ADAMTSL3: variants seen among roughly 807,000 people sequenced by gnomAD.
ADAMTSL3 encodes the protein ADAMTS-like protein 3.
In ADAMTSL3, 128 loss-of-function variants were observed where a neutral mutation model predicts 201.7. That is an observed-to-expected ratio of 0.63 (90% CI 0.55 to 0.73). ADAMTSL3 has a LOEUF of 0.73. Among genes scored for constraint, ADAMTSL3 ranks in the 30% least tolerant of loss-of-function variants. The probability of loss-of-function intolerance (pLI) is 0.00; values close to 1 mark genes in which losing one functional copy is unlikely to be tolerated. For synonymous variants in ADAMTSL3, 738 were observed against 748.4 expected (o/e 0.99, Z 0.23); for missense variants, 1,990 against 2,119.6 (o/e 0.94, Z 1.20).
At chr15:83,774,306 C>T (rs2063035760) in intron 4 of ADAMTSL3, among the ~76,000 whole-genome samples, 1 of 152,198 alleles carries the variant, frequency 6.6e-6, no homozygotes, top group African/African-American at 2.4e-5. Context: ...TGTCAGTCAT[C>T]TTCAGATTTG....
intron 3 of ADAMTSL3, among the ~76,000 whole-genome samples, chr15:83,763,748 G>A (rs943460279): frequency 7.9e-5 from 12 of 152,052 alleles, no homozygotes; most frequent in Non-Finnish European, 1.5e-4. Flanking sequence ...CTCGTGATCC[G>A]CCCGCCTTGG....
chr15:83,873,463 C>A (rs978587963), intron 9 of ADAMTSL3, among the ~76,000 whole-genome samples: 1 of 144,746 alleles, frequency 6.9e-6, no homozygotes, highest in Non-Finnish European at 1.5e-5. Context: ...GTCACCCAGG[C>A]CAAGTACAGG....
At chr15:84,014,842 T>TC in intron 24 of ADAMTSL3, 118 bp downstream of exon 24, 1 of 1,007,508 alleles carries the variant, frequency 9.9e-7, no homozygotes, top group Non-Finnish European at 1.5e-6. Context: ...GTTTTAACCA[T>TC]TGCTGCCACT....
intron 23 of ADAMTSL3, among the ~76,000 whole-genome samples, chr15:84,010,417 A>G (rs755760445): frequency 1.2e-4 from 18 of 152,196 alleles, no homozygotes; most frequent in Admixed American, 4.6e-4. Flanking sequence ...ATGAATAACC[A>G]AAAAAGTCAC....
chr15:83,880,300 A>G (rs1596348574), intron 9 of ADAMTSL3, among the ~76,000 whole-genome samples: 1 of 151,986 alleles, frequency 6.6e-6, no homozygotes, highest in East Asian at 1.9e-4. Context: ...CTTTCTTTTT[A>G]TCTGTCATTT....
chr15:84,022,887 G>C (rs868167991), intron 26 of ADAMTSL3, among the ~76,000 whole-genome samples: 3 of 152,068 alleles, frequency 2.0e-5, no homozygotes, highest in African/African-American at 7.2e-5. Context: ...TTCTCCCTCT[G>C]CCTAGGACAC....
At chr15:84,008,108 G>GGTTT (rs1463458930) in intron 23 of ADAMTSL3, among the ~76,000 whole-genome samples, 1 of 152,080 alleles carries the variant, frequency 6.6e-6, no homozygotes, top group Non-Finnish European at 1.5e-5. Flanking sequence ...TCAGTTGTCA[G>GGTTT]GTTTGTTTGT....
intron 3 of ADAMTSL3, among the ~76,000 whole-genome samples, chr15:83,711,173 T>A (rs2061928484): frequency 6.6e-6 from 1 of 152,240 alleles, no homozygotes; most frequent in Admixed American, 6.5e-5. Flanking sequence ...AGAAATCTAT[T>A]TGCTGTGAGT....
rs1444052688 is a variant in ADAMTSL3, at chr15:83,686,271, C to T, written c.70-18118C>T. 3.3e-5 allele frequency among the ~76,000 whole-genome samples: 5 copies of T among 152,296 alleles called. No individual in the cohort carries two copies. The East Asian group carries it at 5.8e-4, about 18-fold the overall frequency. ...TACTCCTGAACACAACCAATCATATCGGTCAGTGTTTTACTGTGGGCAGCG... is the reference window on the plus strand; with the variant it reads ...TACTCCTGAACACAACCAATCATATTGGTCAGTGTTTTACTGTGGGCAGCG... On this transcript the variant is annotated intron_variant, in intron 2 of 29. Transcript: ENST00000286744.
In ADAMTSL3 at chr15:83,675,693, C is replaced by T. The variant is rs529287919; in HGVS notation, c.69+19863C>T. On this transcript the variant is annotated intron_variant, in intron 2 of 29. Transcript: ENST00000286744. Reference sequence around the variant, plus strand: ...TTCCTGAAGAGATTGGTGTTCTTTACATGTTTGGTATAATTCTCCAGTGAA... The same window carrying T: ...TTCCTGAAGAGATTGGTGTTCTTTATATGTTTGGTATAATTCTCCAGTGAA... Among the ~76,000 whole-genome samples the T allele has an allele frequency of 2.4e-3, 355 of 150,430 alleles. 2 individuals are homozygous for T. The highest frequency in any genetic ancestry group is 3.1e-3 in the Non-Finnish European group (207 of 67,694).
At chr15:83,929,897 C>T (rs2142004100) in intron 17 of ADAMTSL3, among the ~76,000 whole-genome samples, 1 of 152,256 alleles carries the variant, frequency 6.6e-6, no homozygotes, top group South Asian at 2.1e-4. Context: ...GACCTTTGCA[C>T]ACACTATGCC....
At chr15:84,032,085 G>A (rs1014903537) in intron 28 of ADAMTSL3, among the ~76,000 whole-genome samples, 6 of 152,124 alleles carry the variant, frequency 3.9e-5, no homozygotes, top group Non-Finnish European at 7.4e-5. Flanking sequence ...CACACTAATC[G>A]GGGGCTTGGG....
chr15:83,814,779 G>T (rs548761365), intron 5 of ADAMTSL3, among the ~76,000 whole-genome samples: 17 of 152,152 alleles, frequency 1.1e-4, no homozygotes, highest in Non-Finnish European at 1.9e-4. Flanking sequence ...CTGGTTATTG[G>T]GAGAGGGGAT....
intron 3 of ADAMTSL3, among the ~76,000 whole-genome samples, chr15:83,722,219 A>T (rs5014396): frequency 0.13 from 19,400 of 152,176 alleles, 1,704 homozygotes; most frequent in African/African-American, 0.25. Flanking sequence ...AAGTTCAGTT[A>T]CAGGGGATAA....
chr15:84,035,135 C>T (rs560806610), intron 28 of ADAMTSL3, among the ~76,000 whole-genome samples: 17 of 152,286 alleles, frequency 1.1e-4, no homozygotes, highest in Admixed American at 1.1e-3. Flanking sequence ...GCTCCCTGTG[C>T]CCCTCTCATT....
chr15:83,739,416 G>A lies in ADAMTSL3; in HGVS notation c.190-34107G>A, dbSNP rs143738132. Among the ~76,000 whole-genome samples the A allele has an allele frequency of 2.6e-3, 391 of 148,416 alleles. 4 individuals carry two copies. Among genetic ancestry groups the A allele is most frequent in the African/African-American group, 9.2e-3 (371 of 40,338 alleles). ...ATTCCATACCTGATGTCATGTGAAC[G>A]GTCACAGTTAAAACACAGTCAAAAC... On this transcript the variant is annotated intron_variant, in intron 3 of 29. Coordinates refer to ENST00000286744, the MANE Select transcript of ADAMTSL3 (RefSeq NM_207517.3).
chr15:83,886,049 G>A (rs575044286), intron 10 of ADAMTSL3, among the ~76,000 whole-genome samples: 4 of 152,162 alleles, frequency 2.6e-5, no homozygotes, highest in Non-Finnish European at 5.9e-5. Flanking sequence ...ATAGGCAGTT[G>A]AGGAAGGTTT....
chr15:84,021,277 A>G (rs1278165626), intron 25 of ADAMTSL3, 133 bp from the exon 26 acceptor site: 3 of 892,376 alleles, frequency 3.4e-6, no homozygotes, highest in South Asian at 1.6e-5. Flanking sequence ...CCCTTGCACT[A>G]TGAGATGGCT....
intron 23 of ADAMTSL3, among the ~76,000 whole-genome samples, chr15:84,007,890 A>T (rs2067923416): frequency 6.6e-6 from 1 of 151,962 alleles, no homozygotes; most frequent in Non-Finnish European, 1.5e-5. Flanking sequence ...CCTGCCCTGG[A>T]CTCCACTTCC....
Sources: gnomAD v4.1 joint callset for allele counts (sites outside exome capture counted in the v4.1 genomes callset) on GRCh38, gnomAD v4.1.1 for gene constraint, MANE v1.5 for transcripts, NCBI Gene and HGNC (gene_info 2026-07-23, HGNC 2026-07-21) for gene names.